ANKS1B: variants seen among roughly 807,000 people sequenced by gnomAD.
The protein encoded by ANKS1B is ankyrin repeat and sterile alpha motif domain-containing protein 1B.
ANKS1B carries 36 observed loss-of-function variants against 148.3 expected under a neutral mutation model. That is an observed-to-expected ratio of 0.24 (90% CI 0.19 to 0.32). The LOEUF (loss-of-function observed/expected upper bound fraction) is 0.32, where lower values mean the gene tolerates loss of function less well. ANKS1B is among the 10% of genes least tolerant of loss of function. ANKS1B has a pLI of 1.00. For missense variants in ANKS1B, 1,157 were observed against 1,542.6 expected (o/e 0.75, Z 4.19); for synonymous variants, 542 against 560.8 (o/e 0.97, Z 0.47).
intron 8 of ANKS1B, among the ~76,000 whole-genome samples, chr12:99,762,500 C>A (rs1027982200): frequency 1.3e-5 from 2 of 151,412 alleles, no homozygotes; most frequent in African/African-American, 4.8e-5. Flanking sequence ...GAAACTGGAC[C>A]CTTACCTTTC....
chr12:99,148,550 G>T (rs1046385911), intron 15 of ANKS1B, among the ~76,000 whole-genome samples: 1 of 151,996 alleles, frequency 6.6e-6, no homozygotes, highest in African/African-American at 2.4e-5. Flanking sequence ...TAGTAGCTCT[G>T]CCAGCGCCAA....
At chr12:99,752,500 A>G (rs1477700672) in intron 8 of ANKS1B, among the ~76,000 whole-genome samples, 3 of 152,184 alleles carry the variant, frequency 2.0e-5, no homozygotes, top group Non-Finnish European at 4.4e-5. Flanking sequence ...GAGTGGATGA[A>G]CTAAAGCAAT....
intron 9 of ANKS1B, among the ~76,000 whole-genome samples, chr12:99,576,156 G>T (rs76222984): frequency 6.6e-6 from 1 of 151,988 alleles, no homozygotes; most frequent in Non-Finnish European, 1.5e-5. Context: ...ACAAAGAATG[G>T]CATTACATAA....
intron 15 of ANKS1B, among the ~76,000 whole-genome samples, chr12:99,106,733 T>C (rs892999058): frequency 1.3e-5 from 2 of 152,220 alleles, no homozygotes; most frequent in South Asian, 4.1e-4. Context: ...TTTCATCATT[T>C]TGGAATACAC....
chr12:99,942,490 T>C (rs1018803408), intron 1 of ANKS1B, among the ~76,000 whole-genome samples: 2 of 151,404 alleles, frequency 1.3e-5, no homozygotes, highest in African/African-American at 4.9e-5. Context: ...GAAAAGAAAA[T>C]GATGGAACAA....
At chr12:98,769,493 T>C (rs11109595) in intron 25 of ANKS1B, among the ~76,000 whole-genome samples, 96,564 of 151,892 alleles carry the variant, frequency 0.64, 31,297 homozygotes, top group East Asian at 0.77. Context: ...CTAGTAATGT[T>C]TACATTAAAT....
At chr12:99,815,257 T>C (rs192303516) in intron 2 of ANKS1B, among the ~76,000 whole-genome samples, 102 of 151,828 alleles carry the variant, frequency 6.7e-4, no homozygotes, top group African/African-American at 2.3e-3. Flanking sequence ...GGAAGATTTA[T>C]GACAAGTGAA....
intron 17 of ANKS1B, among the ~76,000 whole-genome samples, chr12:98,932,332 A>G (rs2058952296): frequency 6.6e-6 from 1 of 152,212 alleles, no homozygotes; most frequent in African/African-American, 2.4e-5. Context: ...AATGCAGTAC[A>G]GTCATTCCTT....
intron 1 of ANKS1B, among the ~76,000 whole-genome samples, chr12:99,903,844 A>G (rs1257519649): frequency 2.0e-5 from 3 of 152,138 alleles, no homozygotes; most frequent in Non-Finnish European, 4.4e-5. Context: ...TAAAGAGCTT[A>G]CTCATATAAC....
intron 19 of ANKS1B, among the ~76,000 whole-genome samples, chr12:98,827,652 T>C (rs899510795): frequency 3.9e-5 from 6 of 152,166 alleles, no homozygotes; most frequent in Non-Finnish European, 7.3e-5. Context: ...GAAGGGTAAG[T>C]CGTTTTTTAA....
At chr12:99,481,246 T>C (rs1272496656) in intron 10 of ANKS1B, among the ~76,000 whole-genome samples, 1 of 151,782 alleles carries the variant, frequency 6.6e-6, no homozygotes, top group Non-Finnish European at 1.5e-5. Flanking sequence ...GACACATGGC[T>C]TACCTCCCAT....
chr12:99,296,452 A>G (rs2080882836), intron 12 of ANKS1B, among the ~76,000 whole-genome samples: 2 of 152,116 alleles, frequency 1.3e-5, no homozygotes, highest in African/African-American at 4.8e-5. Flanking sequence ...TCATTGGTTC[A>G]TTTATCTTCT....
At chr12:99,523,719 A>AT (rs2096899338) in intron 9 of ANKS1B, among the ~76,000 whole-genome samples, 1 of 151,316 alleles carries the variant, frequency 6.6e-6, no homozygotes, top group Admixed American at 6.6e-5. Context: ...CGCCCGGCTA[A>AT]TTTTTTGTAT....
At chr12:99,959,153 C>T (rs559412267) in intron 1 of ANKS1B, among the ~76,000 whole-genome samples, 3 of 150,112 alleles carry the variant, frequency 2.0e-5, no homozygotes, top group Non-Finnish European at 3.0e-5. Context: ...CTCTGCCTCC[C>T]GGGTTCAAGC....
At chr12:98,975,588 T>C (rs2099893633) in intron 17 of ANKS1B, among the ~76,000 whole-genome samples, 1 of 152,064 alleles carries the variant, frequency 6.6e-6, no homozygotes, top group South Asian at 2.1e-4. Flanking sequence ...AAATAGGTAA[T>C]ATACTATTAT....
At chr12:99,608,249 G>T (rs1203658532) in intron 9 of ANKS1B, among the ~76,000 whole-genome samples, 1 of 151,958 alleles carries the variant, frequency 6.6e-6, no homozygotes, top group Non-Finnish European at 1.5e-5. Context: ...CATGGGTGTG[G>T]TAAGCACTCT....
At chr12:99,676,357 G>A (rs2098570486) in intron 8 of ANKS1B, among the ~76,000 whole-genome samples, 1 of 152,064 alleles carries the variant, frequency 6.6e-6, no homozygotes, top group Admixed American at 6.5e-5. Context: ...TGTATGACAG[G>A]TGAATTTTCA....
At chr12:99,272,891 A>C (rs2077203106) in intron 12 of ANKS1B, among the ~76,000 whole-genome samples, 1 of 152,238 alleles carries the variant, frequency 6.6e-6, no homozygotes. Flanking sequence ...TGCATTTGCT[A>C]TTCCACTGAT....
At chr12:98,976,385 A>G (rs995109759) in intron 17 of ANKS1B, 4 of 152,230 alleles carry the variant, frequency 2.6e-5, no homozygotes, top group African/African-American at 4.8e-5. Context: ...TTTTTTTCCA[A>G]TTTCAGAAGA....
Sources: gnomAD v4.1 joint callset for allele counts (sites outside exome capture counted in the v4.1 genomes callset) on GRCh38, gnomAD v4.1.1 for gene constraint, MANE v1.5 for transcripts, NCBI Gene and HGNC (gene_info 2026-07-23, HGNC 2026-07-21) for gene names.